The following SYT12 variants were observed in gnomAD, a reference collection of about 807,000 sequenced individuals.
SYT12 encodes synaptotagmin 12.
A neutral mutation model predicts 39.5 loss-of-function variants in SYT12; 27 were observed. The ratio of observed to expected loss-of-function variants is 0.68; its 90% CI spans 0.50 to 0.94. The LOEUF (loss-of-function observed/expected upper bound fraction) is 0.94, where lower values mean the gene tolerates loss of function less well. Among genes scored for constraint, SYT12 ranks in the 40% least tolerant of loss-of-function variants. The pLI, the probability that SYT12 is intolerant of heterozygous loss-of-function variation, is 0.00. For missense variants in SYT12, 536 were observed against 572.6 expected (o/e 0.94, Z 0.65); for synonymous variants, 233 against 239.7 (o/e 0.97, Z 0.26).
At chr11:67,040,424 G>T (rs1276235585) in intron 4 of SYT12, among the ~76,000 whole-genome samples, 2 of 152,124 alleles carry the variant, frequency 1.3e-5, no homozygotes, top group Non-Finnish European at 2.9e-5. Flanking sequence ...AGTTCTTAGC[G>T]GTCCCACCAG....
intron 1 of SYT12, among the ~76,000 whole-genome samples, chr11:67,007,955 CTTT>C (rs747885357): frequency 7.3e-6 from 1 of 137,124 alleles, no homozygotes; most frequent in Non-Finnish European, 1.6e-5. Flanking sequence ...GAAGCCCTAA[CTTT>C]TTTTTTTTTT....
chr11:67,018,027 C>T (rs573050351), intron 3 of SYT12, among the ~76,000 whole-genome samples: 1 of 151,166 alleles, frequency 6.6e-6, no homozygotes, highest in South Asian at 2.1e-4. Context: ...TTTGGGAGGC[C>T]GAGGCAGGTG....
chr11:67,020,184 C>T (rs181763794), upstream of SYT12, among the ~76,000 whole-genome samples: 1 of 152,200 alleles, frequency 6.6e-6, no homozygotes, highest in Non-Finnish European at 1.5e-5. Flanking sequence ...GGATGTGATG[C>T]ACAGAAGACG....
At chr11:67,047,085 T>C (rs1412124691) in intron 7 of SYT12, among the ~76,000 whole-genome samples, 1 of 150,440 alleles carries the variant, frequency 6.6e-6, no homozygotes, top group Non-Finnish European at 1.5e-5. Flanking sequence ...CTGCCTCAGC[T>C]TCCTGAGTAG....
upstream of SYT12, among the ~76,000 whole-genome samples, chr11:67,018,203 C>CA (rs1950074190): frequency 6.6e-6 from 1 of 151,766 alleles, no homozygotes; most frequent in African/African-American, 2.4e-5. Context: ...GCAGAGGTTG[C>CA]AGTGAGCTGA....
chr11:67,035,643 G>C (rs12284457), intron 3 of SYT12, among the ~76,000 whole-genome samples: 1 of 150,750 alleles, frequency 6.6e-6, no homozygotes. Flanking sequence ...ATTTTTAGTA[G>C]AGACGGGGTT....
chr11:67,033,343 C>T (rs567528757), intron 2 of SYT12, among the ~76,000 whole-genome samples: 1 of 152,164 alleles, frequency 6.6e-6, no homozygotes, highest in Non-Finnish European at 1.5e-5. Context: ...ATTTATTTGC[C>T]TGCCCCACCC....
At chr11:67,044,846 G>A in intron 6 of SYT12, 133 bp downstream of exon 6, 1 of 1,353,960 alleles carries the variant, frequency 7.4e-7, no homozygotes, top group Non-Finnish European at 1.0e-6. Context: ...GCTTTGCTGA[G>A]CCCAGAAGTC....
At position 67,048,718 on chromosome 11, in the gene SYT12, C is replaced by T; in HGVS notation, c.1227C>T (p.Arg409=). ...GGAACCAGATGTTGGCCACGCTGCG[C>T]AGGCCCGTGTCCATGTGGCACGCTG... is the stretch of plus-strand genomic sequence containing the variant. The part of the protein sequence containing the change: ...THWNQMLATL[R]RPVSMWHAVR... Residue 409 remains arginine (R), a synonymous_variant, in exon 8 of 8, where the codon CGC becomes CGT. Coordinates refer to ENST00000527043, the MANE Select transcript of SYT12 (RefSeq NM_177963.4). The T allele has an allele frequency of 1.9e-6, 3 of 1,607,538 alleles. No homozygotes were observed. Among genetic ancestry groups the T allele is most frequent in the Non-Finnish European group, 1.7e-6 (2 of 1,174,840 alleles).
chr11:67,023,005 C>CT (rs149258905), upstream of SYT12: 6 of 152,450 alleles, frequency 3.9e-5, no homozygotes, highest in East Asian at 1.2e-3. Context: ...CCGGCTGGCT[C>CT]TGAGTCCAGT....
upstream of SYT12, among the ~76,000 whole-genome samples, chr11:67,022,402 G>T (rs1053710417): frequency 4.0e-5 from 6 of 151,824 alleles, no homozygotes; most frequent in African/African-American, 1.5e-4. Context: ...TGGTTACTGT[G>T]CCCACAACAT....
At chr11:67,013,244 T>C (rs1003075609) in intron 3 of SYT12, among the ~76,000 whole-genome samples, 1 of 152,208 alleles carries the variant, frequency 6.6e-6, no homozygotes, top group Non-Finnish European at 1.5e-5. Flanking sequence ...TTTATTTACA[T>C]ATCTCCCTTG....
rs11227664 is a variant in SYT12, at chr11:67,040,090, A to C, written c.508A>C (p.Asn170His). The C allele has an allele frequency of 0.012, 20,138 of 1,613,748 alleles. 1,710 individuals carry two copies. The African/African-American group carries it at 0.21, about 17-fold the overall frequency. ...GTACGACACTGCCTCCCACACGCTG[A>C]ACGTGGCGGTGATGCAGGGCAAGGA... ...MEYDTASHTL[N>H]VAVMQGKDLL... Residue 170 changes from asparagine to histidine, a missense_variant, in exon 4 of 8, where the codon AAC becomes CAC. Transcript: ENST00000527043.
In SYT12 at chr11:67,040,126, C is replaced by T. The variant is rs751317788; in HGVS notation, c.544C>T (p.Arg182Trp). Residue 182 changes from arginine to tryptophan, a missense_variant, in exon 4 of 8, where the codon CGG becomes TGG. By Grantham distance (101) the Arg-to-Trp change is moderately radical. Coordinates refer to ENST00000527043, the MANE Select transcript of SYT12 (RefSeq NM_177963.4). ...AVMQGKDLLE[R>W]EEASFESCFM... is the part of the protein sequence containing the mutation. ...GATGCAGGGCAAGGACCTCCTGGAG[C>T]GGGAGGAGGCCAGCTTCGAGTCCTG... 4 of 1,611,846 alleles carry T rather than the reference C, an allele frequency of 2.5e-6. No individual in the cohort carries two copies. The highest frequency in any genetic ancestry group is 1.3e-5 in the African/African-American group (1 of 75,040).
intron 1 of SYT12, among the ~76,000 whole-genome samples, chr11:67,026,235 AC>A (rs933122034): frequency 6.6e-5 from 10 of 151,946 alleles, no homozygotes; most frequent in African/African-American, 2.4e-4. Context: ...GGGGATGCAA[AC>A]CCATTGTCCC....
At chr11:67,021,464 G>C (rs1463458609), upstream of SYT12, among the ~76,000 whole-genome samples, 7 of 151,664 alleles carry the variant, frequency 4.6e-5, no homozygotes, top group Non-Finnish European at 8.8e-5. Context: ...ATTTTTAGTG[G>C]AGACGGGGTT....
chr11:67,022,470 C>T (rs1391874214), upstream of SYT12, among the ~76,000 whole-genome samples: 1 of 152,234 alleles, frequency 6.6e-6, no homozygotes, highest in East Asian at 1.9e-4. Context: ...CACTGCCAGA[C>T]TGCGCGGGCA....
rs1200693619 is a variant in SYT12 at position 67,044,691 on chromosome 11, G to T, written c.936G>T (p.Trp312Cys). The T allele has an allele frequency of 2.5e-6, 4 of 1,613,594 alleles. No individual in the cohort carries two copies. Among genetic ancestry groups the T allele is most frequent in the Non-Finnish European group, 3.4e-6 (4 of 1,179,986 alleles). ...TGGTTAAGGCCAAGAACCTCATCTGGACCAACGACAAGACCACAGCGGGTA... is the reference window on the plus strand; with the variant it reads ...TGGTTAAGGCCAAGAACCTCATCTGTACCAACGACAAGACCACAGCGGGTA... ...VVVVKAKNLIWTNDKTTADPF... is the reference protein window; with the variant it reads ...VVVVKAKNLICTNDKTTADPF... The change falls in exon 6 of 8, where the codon TGG becomes TGT. Residue 312 changes from tryptophan to cysteine, a missense_variant. Transcript: ENST00000527043.
chr11:67,044,837 C>T (rs1950585289), intron 6 of SYT12, 124 bp downstream of exon 6: 5 of 1,417,168 alleles, frequency 3.5e-6, no homozygotes, highest in Middle Eastern at 1.8e-4. Context: ...TCCCCCTCAG[C>T]TTTGCTGAGC....
Sources: gnomAD v4.1 joint callset for allele counts (sites outside exome capture counted in the v4.1 genomes callset) on GRCh38, gnomAD v4.1.1 for gene constraint, MANE v1.5 for transcripts, NCBI Gene and HGNC (gene_info 2026-07-23, HGNC 2026-07-21) for gene names.